CACNA1E: variants seen among roughly 807,000 people sequenced by gnomAD.
CACNA1E encodes the protein calcium voltage-gated channel subunit alpha1 E.
In CACNA1E, 40 loss-of-function variants were observed where a neutral mutation model predicts 259.2. That is an observed-to-expected ratio of 0.15 (90% CI 0.12 to 0.20). The LOEUF (loss-of-function observed/expected upper bound fraction) is 0.20. CACNA1E is among the 10% of genes least tolerant of loss of function. The pLI is 1.00. For missense variants in CACNA1E, 1,874 were observed against 3,040.1 expected, an observed-to-expected ratio of 0.62 and a Z score of 9.02; for synonymous variants, 1,104 against 1,138.5, an observed-to-expected ratio of 0.97 and a Z score of 0.61.
intron 7 of CACNA1E, among the ~76,000 whole-genome samples, chr1:181,667,036 G>A (rs1055004983): frequency 1.3e-5 from 2 of 151,998 alleles, no homozygotes; most frequent in Non-Finnish European, 2.9e-5. Context: ...AAGCCATAAA[G>A]GAAATAATTG....
intron 3 of CACNA1E, among the ~76,000 whole-genome samples, chr1:181,514,392 A>G (rs1427126747): frequency 6.6e-6 from 1 of 152,232 alleles, no homozygotes; most frequent in Non-Finnish European, 1.5e-5. Flanking sequence ...GTCATCTGGT[A>G]CTCAAAGAGG....
At chr1:181,670,855 C>G (rs184577337) in intron 7 of CACNA1E, among the ~76,000 whole-genome samples, 6 of 152,128 alleles carry the variant, frequency 3.9e-5, no homozygotes, top group African/African-American at 1.4e-4. Flanking sequence ...GATCAAGGTA[C>G]CCAGTGACCA....
intron 2 of CACNA1E, among the ~76,000 whole-genome samples, chr1:181,471,971 A>G (rs1377671247): frequency 6.6e-6 from 1 of 152,212 alleles, no homozygotes; most frequent in Admixed American, 6.5e-5. Context: ...TTGCAGCATT[A>G]TTTACAATAA....
At position 181,722,811 on chromosome 1, in the gene CACNA1E, T is replaced by G. The variant is rs116558871; in HGVS notation, c.2074+936T>G. Among the ~76,000 whole-genome samples the G allele has an allele frequency of 8.2e-3, 1,249 of 152,274 alleles. 16 individuals are homozygous for G. The highest frequency in any genetic ancestry group is 0.027 in the African/African-American group (1,143 of 41,570). ...CCATAGTTTCATAGAGAAGACATGC[T>G]GTTTTACGTTTTCTACCCTGAAAAC... On this transcript the variant is annotated intron_variant, in intron 16 of 47. Transcript: ENST00000367573.
chr1:181,570,611 G>A (rs10797729), intron 3 of CACNA1E, among the ~76,000 whole-genome samples: 35,568 of 152,130 alleles, frequency 0.23, 4,783 homozygotes, highest in Admixed American at 0.32. Context: ...GCTTTAGTTC[G>A]TTTCTTTGCC....
At chr1:181,513,995 C>G (rs186457007) in intron 3 of CACNA1E, among the ~76,000 whole-genome samples, 9 of 152,322 alleles carry the variant, frequency 5.9e-5, no homozygotes, top group African/African-American at 2.2e-4. Context: ...CTGCTTAGCC[C>G]TCTTCTCAGC....
intron 3 of CACNA1E, among the ~76,000 whole-genome samples, chr1:181,559,677 G>A (rs1311307950): frequency 6.6e-6 from 1 of 152,218 alleles, no homozygotes; most frequent in Non-Finnish European, 1.5e-5. Context: ...CTGATGCCCT[G>A]TAATGAGTCA....
intron 6 of CACNA1E, among the ~76,000 whole-genome samples, chr1:181,612,425 T>C (rs374218893): frequency 2.9e-4 from 44 of 152,332 alleles, no homozygotes; most frequent in African/African-American, 7.7e-4. Flanking sequence ...TTATTTTTCA[T>C]TGGAATGCTC....
chr1:181,700,411 C>T (rs1219502924), intron 7 of CACNA1E, among the ~76,000 whole-genome samples: 1 of 152,128 alleles, frequency 6.6e-6, no homozygotes, highest in East Asian at 1.9e-4. Context: ...GGTGGCTGCC[C>T]GTAGTGTGTG....
chr1:181,581,643 G>C (rs1342752702), intron 6 of CACNA1E, among the ~76,000 whole-genome samples: 3 of 152,156 alleles, frequency 2.0e-5, no homozygotes, highest in African/African-American at 7.2e-5. Context: ...ATTTTAATAA[G>C]TTATCAAAGG....
chr1:181,755,892 G>A (rs1658048149), intron 28 of CACNA1E, 64 bp from the exon 29 acceptor site: 13 of 1,527,896 alleles, frequency 8.5e-6, no homozygotes, highest in Non-Finnish European at 1.1e-5. Flanking sequence ...TGTAGAATGT[G>A]CTGACTCTTC....
intron 1 of CACNA1E, among the ~76,000 whole-genome samples, chr1:181,507,276 G>A (rs1435331391): frequency 6.6e-6 from 1 of 152,190 alleles, no homozygotes; most frequent in Non-Finnish European, 1.5e-5. Flanking sequence ...CAGTCACTGG[G>A]AGTTTGACTC....
intron 32 of CACNA1E, among the ~76,000 whole-genome samples, chr1:181,762,035 G>C (rs1044673678): frequency 5.9e-5 from 9 of 152,332 alleles, no homozygotes; most frequent in South Asian, 2.1e-4. Flanking sequence ...TGGCACATCT[G>C]TAACCTTCAG....
chr1:181,710,941 T>A lies in CACNA1E; in HGVS notation c.1056-13T>A. ...TGTCCAAACCCAGTGAATCTTATCC[T>A]TCTTGTCCACAGGGAATTTGCCAAA... is the stretch of plus-strand genomic sequence containing the variant. On this transcript the variant is annotated splice_polypyrimidine_tract_variant and intron_variant, in intron 7 of 47. Transcript: ENST00000367573. 1 of 1,584,502 alleles carries A rather than the reference T, an allele frequency of 6.3e-7. No individual in the cohort carries two copies. Among genetic ancestry groups the A allele is most frequent in the Admixed American group, 1.7e-5 (1 of 60,000 alleles).
At chr1:181,651,594 G>A in intron 7 of CACNA1E, 153 bp downstream of exon 7, 1 of 588,502 alleles carries the variant, frequency 1.7e-6, no homozygotes, top group Admixed American at 3.1e-5. Context: ...TAGATGCTGG[G>A]AATGCAGTAG....
chr1:181,703,080 A>G (rs578238586), intron 7 of CACNA1E, among the ~76,000 whole-genome samples: 2 of 152,172 alleles, frequency 1.3e-5, no homozygotes, highest in Non-Finnish European at 2.9e-5. Context: ...TTACAGGTGC[A>G]TACCAGCATG....
chr1:181,521,797 G>A lies in CACNA1E; in HGVS notation c.512+10287G>A, dbSNP rs143272174. ...GAGTTATACTTAGCTAGGATGAGAC[G>A]AGAAGAGGGAAGGGGACAGGATGAG... On this transcript the variant is annotated intron_variant, in intron 3 of 47. Transcript: ENST00000367573. Among the ~76,000 whole-genome samples the A allele has an allele frequency of 1.0e-3, 159 of 152,240 alleles. 1 individual carries two copies. Among genetic ancestry groups the A allele is most frequent in the African/African-American group, 3.6e-3 (150 of 41,536 alleles).
intron 1 of CACNA1E, among the ~76,000 whole-genome samples, chr1:181,493,035 A>G (rs1664452730): frequency 6.6e-6 from 1 of 152,100 alleles, no homozygotes; most frequent in Non-Finnish European, 1.5e-5. Flanking sequence ...TGGGACCATT[A>G]AGTCCCTCTA....
At chr1:181,708,936 G>A (rs531260988) in intron 7 of CACNA1E, among the ~76,000 whole-genome samples, 6 of 152,286 alleles carry the variant, frequency 3.9e-5, no homozygotes, top group African/African-American at 1.4e-4. Context: ...CGTTGATAGT[G>A]TGAGATGGGT....
Sources: gnomAD v4.1 joint callset for allele counts (sites outside exome capture counted in the v4.1 genomes callset) on GRCh38, gnomAD v4.1.1 for gene constraint, MANE v1.5 for transcripts, NCBI Gene and HGNC (gene_info 2026-07-23, HGNC 2026-07-21) for gene names.